NFAT5: variants seen among roughly 807,000 people sequenced by gnomAD.
NFAT5 encodes the protein nuclear factor of activated T-cells 5.
In NFAT5, 31 loss-of-function variants were observed where a neutral mutation model predicts 166.5. The observed-to-expected ratio is 0.19, with a 90% confidence interval of 0.14 to 0.25. The LOEUF is 0.25. NFAT5 is among the 10% of genes least tolerant of loss of function. NFAT5 has a pLI of 1.00. For missense variants in NFAT5, 1,449 were observed against 1,821.8 expected (o/e 0.80, Z 3.72); for synonymous variants, 612 against 639.7 (o/e 0.96, Z 0.65).
Position 69,626,513 on chromosome 16 carries a change from G to T in NFAT5, c.238G>T (p.Ala80Ser). 2.6e-6 allele frequency: 4 copies of T among 1,560,328 alleles called. No individual in the cohort carries two copies. Among genetic ancestry groups the T allele is most frequent in the South Asian group, 1.2e-5 (1 of 81,474 alleles). The change falls in exon 3 of 15, where the codon GCT (alanine) becomes TCT (serine). Residue 80 changes from alanine to serine, a missense_variant. This residue lies in a region of NFAT5 where 172 missense variants were observed against 194.5 expected (regional missense o/e 0.88). Coordinates refer to ENST00000349945, the MANE Select transcript of NFAT5 (RefSeq NM_138713.4). Reference protein sequence around the residue: ...SGGEAGSPPPAVVAADASSAP... With the variant: ...SGGEAGSPPPSVVAADASSAP... ...TGGTGAGGCAGGCTCGCCTCCTCCA[G>T]CTGTTGTTGCTGCTGGTATGCATTT... is the stretch of plus-strand genomic sequence containing the variant.
chr16:69,660,763 T>G (rs2036088697), intron 7 of NFAT5, among the ~76,000 whole-genome samples: 1 of 151,958 alleles, frequency 6.6e-6, no homozygotes, highest in Non-Finnish European at 1.5e-5. Flanking sequence ...TGATTATTGT[T>G]ATAGGTAATA....
At position 69,692,250 on chromosome 16, in the gene NFAT5, A is replaced by G. The variant is rs768494723; in HGVS notation, c.2425A>G (p.Ser809Gly). ...TTTCACAGGCAGTACTGCTAGTGGC[A>G]GCAGTGGAAGTGTTGACTTGGTCCA... ...GSFTGSTASG[S>G]SGSVDLVQQV... Residue 809 changes from serine (S) to glycine (G), a missense_variant, in exon 13 of 15, where the codon AGC (serine) becomes GGC (glycine). Transcript: ENST00000349945. 3 of 1,614,224 alleles carry G rather than the reference A, an allele frequency of 1.9e-6. No homozygotes were observed. The highest frequency in any genetic ancestry group is 2.5e-6 in the Non-Finnish European group (3 of 1,180,040).
At chr16:69,586,068 T>C (rs2142947169) in intron 2 of NFAT5, among the ~76,000 whole-genome samples, 1 of 152,310 alleles carries the variant, frequency 6.6e-6, no homozygotes, top group Middle Eastern at 3.4e-3. Flanking sequence ...TTTTTAAGAG[T>C]AAGATGCACT....
intron 2 of NFAT5, among the ~76,000 whole-genome samples, chr16:69,605,041 G>T (rs569785030): frequency 2.0e-5 from 3 of 152,222 alleles, no homozygotes; most frequent in Non-Finnish European, 4.4e-5. Context: ...ACATGTATTT[G>T]TTTGACTACC....
Position 69,703,878 on chromosome 16 carries a change from C to T in NFAT5, c.*7527C>T, listed in dbSNP as rs1340224017. 1.3e-5 allele frequency: 2 copies of T among 152,602 alleles called. No individual in the cohort carries two copies. The highest frequency in any genetic ancestry group is 1.9e-4 in the East Asian group (1 of 5,204). 9.5% of individuals were successfully genotyped at this position (152,602 alleles called of 1,614,324 possible). ...TTCCATGTTTAACCATATGACCCTG[C>T]TTGCTTACTCATATTCTCCCTCCCT... On this transcript the variant is annotated 3_prime_UTR_variant, in exon 15 of 15. Coordinates refer to ENST00000349945, the MANE Select transcript of NFAT5 (RefSeq NM_138713.4).
chr16:69,690,854 A>G (rs974622262), intron 11 of NFAT5, 86 bp from the exon 12 acceptor site: 4 of 1,145,694 alleles, frequency 3.5e-6, no homozygotes, highest in Non-Finnish European at 3.6e-6. Context: ...AGACATTTAA[A>G]TCATGGCTAA....
At chr16:69,592,598 T>G (rs1306594988) in intron 2 of NFAT5, among the ~76,000 whole-genome samples, 1 of 152,212 alleles carries the variant, frequency 6.6e-6, no homozygotes, top group Non-Finnish European at 1.5e-5. Flanking sequence ...AAGCTGTTTT[T>G]TTCCCTCATA....
intron 2 of NFAT5, among the ~76,000 whole-genome samples, chr16:69,605,801 C>T (rs1421938708): frequency 6.6e-6 from 1 of 152,052 alleles, no homozygotes; most frequent in East Asian, 1.9e-4. Flanking sequence ...GCAAGCTCCG[C>T]TTCCCGGGTT....
intron 10 of NFAT5, among the ~76,000 whole-genome samples, chr16:69,683,400 C>T (rs944776316): frequency 6.6e-6 from 1 of 151,638 alleles, no homozygotes; most frequent in Non-Finnish European, 1.5e-5. Context: ...GGCGTGGTGG[C>T]GTGTGCCTGT....
intron 7 of NFAT5, among the ~76,000 whole-genome samples, chr16:69,664,159 C>G (rs770212427): frequency 6.6e-6 from 1 of 152,166 alleles, no homozygotes; most frequent in Non-Finnish European, 1.5e-5. Context: ...AGGCTTTATA[C>G]TCTAAAATAT....
At chr16:69,572,349 G>C (rs2016491586) in intron 2 of NFAT5, among the ~76,000 whole-genome samples, 5 of 152,100 alleles carry the variant, frequency 3.3e-5, no homozygotes, top group Admixed American at 3.3e-4. Flanking sequence ...AAAGTAACTT[G>C]TGTTACAAAA....
In NFAT5 at chr16:69,566,044, T is replaced by A. The variant is rs2016003987; in HGVS notation, c.-258T>A. The A allele has an allele frequency of 1.3e-5, 6 of 449,232 alleles. No individual in the cohort carries two copies. The South Asian group carries it at 1.5e-4, about 11-fold the overall frequency. The allele number at this position is 449,232 out of a possible 1,614,324, so 27.8% of individuals were successfully genotyped here. A position where few individuals can be genotyped will look rare whatever the true frequency, so the allele number is the denominator to read the frequency against. ...AGAAACACGAAACGGACCCTTTGGC[T>A]CTCCCCCTTCCCCTTCCCCGTCCTG... On this transcript the variant is annotated 5_prime_UTR_variant, in exon 1 of 15. Transcript: ENST00000349945. The surrounding 1 kb of genome is among the most constrained non-coding windows in gnomAD (Gnocchi z 5.7).
rs1567514564 is a variant in NFAT5, at chr16:69,579,408, A to G, written c.127+10860A>G. Reference sequence around the variant, plus strand: ...AATTTATATGTAATATTTGAATTATAGATACTTTGGATAAAATGACTTCTT... The same window carrying G: ...AATTTATATGTAATATTTGAATTATGGATACTTTGGATAAAATGACTTCTT... On this transcript the variant is annotated intron_variant, in intron 2 of 14. Coordinates refer to ENST00000349945, the MANE Select transcript of NFAT5 (RefSeq NM_138713.4). Among the ~76,000 whole-genome samples, 3 of 152,188 alleles carry G rather than the reference A, an allele frequency of 2.0e-5. No homozygotes were observed. In the South Asian group the frequency reaches 6.2e-4, roughly 31 times the overall value.
At chr16:69,643,282 A>G (rs1000992725) in intron 3 of NFAT5, among the ~76,000 whole-genome samples, 2 of 152,036 alleles carry the variant, frequency 1.3e-5, no homozygotes, top group Non-Finnish European at 2.9e-5. Context: ...GGTTCTATAG[A>G]ATATCAAGCT....
At chr16:69,601,226 C>T (rs1344406188) in intron 2 of NFAT5, among the ~76,000 whole-genome samples, 1 of 152,072 alleles carries the variant, frequency 6.6e-6, no homozygotes, top group Non-Finnish European at 1.5e-5. Context: ...GGTGCTTATT[C>T]TTTCAGGCGT....
At position 69,614,878 on chromosome 16, in the gene NFAT5, C is replaced by T. The variant is rs1244688478; in HGVS notation, c.128-11525C>T. 5.3e-5 allele frequency among the ~76,000 whole-genome samples: 7 copies of T among 130,966 alleles called. No homozygotes were observed. The East Asian group carries it at 8.7e-4, about 16-fold the overall frequency. The allele number at this position is 130,966 out of a possible 152,430, so 85.9% of individuals were successfully genotyped here. On this transcript the variant is annotated intron_variant, in intron 2 of 14. Coordinates refer to ENST00000349945, the MANE Select transcript of NFAT5 (RefSeq NM_138713.4). ...CTGGACTTTTATGGTTTTCTTTTTC[C>T]TTTTTTTTTTTTTTTTGAGACAGAA...
intron 7 of NFAT5, among the ~76,000 whole-genome samples, chr16:69,662,450 C>CTTTCTTTTTTTTTTTTTTTTTTTTTT (rs1399691895): frequency 2.1e-5 from 2 of 96,996 alleles, no homozygotes; most frequent in African/African-American, 7.7e-5. Flanking sequence ...ACACCTCTTT[C>CTTTCTTTTTTTTTTTTTTTTTTTTTT]TTTTTTTTTT....
chr16:69,584,093 G>A (rs2031877317), intron 2 of NFAT5, among the ~76,000 whole-genome samples: 2 of 152,016 alleles, frequency 1.3e-5, no homozygotes, highest in Admixed American at 1.3e-4. Context: ...GGGCATGGTG[G>A]TGCGCACCTT....
At chr16:69,605,070 G>A (rs935659298) in intron 2 of NFAT5, among the ~76,000 whole-genome samples, 5 of 152,116 alleles carry the variant, frequency 3.3e-5, no homozygotes, top group Admixed American at 1.3e-4. Context: ...ATTCTTTTAA[G>A]TATAAGAAGT....
Sources: allele counts gnomAD v4.1 joint callset (sites outside exome capture counted in the v4.1 genomes callset), GRCh38; gene constraint gnomAD v4.1.1; regional missense constraint gnomAD v4.1.1; non-coding constraint Gnocchi (gnomAD v3.1); transcripts MANE v1.5; gene names NCBI Gene and HGNC (gene_info 2026-07-23, HGNC 2026-07-21).